The following MYO15B variants were observed in gnomAD, a reference collection of about 807,000 sequenced individuals.
MYO15B encodes myosin XVB pseudogene.
In MYO15B, 207 loss-of-function variants were observed where a neutral mutation model predicts 119.3. That is an observed-to-expected ratio of 1.73 (90% CI 1.55 to 1.95). The LOEUF is 1.95. Among genes scored for constraint, MYO15B ranks in the 30% most tolerant of loss-of-function variants. The pLI is 0.00. For synonymous variants in MYO15B, 966 were observed against 498.9 expected, an observed-to-expected ratio of 1.94 and a Z score of -12.48; for missense variants, 2,264 against 1,203.1, an observed-to-expected ratio of 1.88 and a Z score of -13.04.
chr17:75,605,387 A>G, intron 19 of MYO15B, 117 bp from the exon 20 acceptor site: 1 of 608,736 alleles, frequency 1.6e-6, no homozygotes, highest in South Asian at 2.0e-5. Context: ...CAGTGAGCCG[A>G]GATCGCGCCA....
chr17:75,616,624 G>C (rs1005271168), exon 39 of MYO15B: 1 of 702,714 alleles, frequency 1.4e-6, no homozygotes, highest in South Asian at 1.5e-5. Context: ...AGGAGACAGC[G>C]GCCAAGGGCC....
rs1198774353 is a variant in MYO15B, at chr17:75,614,572, G to A, written c.5382-11G>A. The A allele has an allele frequency of 2.9e-6, 2 of 697,396 alleles. No homozygotes were observed. Among genetic ancestry groups the A allele is most frequent in the Admixed American group, 2.0e-5 (1 of 49,784 alleles). The allele number at this position is 697,396 out of a possible 1,614,324, so 43.2% of individuals were successfully genotyped here. A position where few individuals can be genotyped will look rare whatever the true frequency, so the allele number is the denominator to read the frequency against. ...TTGGCCACCCCCTTAGCTGGATCCC[G>A]TTTCCTGCAGAGCCGAGGCCATTCC... On this transcript the variant is annotated splice_polypyrimidine_tract_variant and intron_variant, in intron 30 of 63. Coordinates refer to ENST00000645453, the Ensembl canonical transcript of MYO15B.
chr17:75,588,207 G>A (rs1402526462), exon 1 of MYO15B: 5 of 397,920 alleles, frequency 1.3e-5, no homozygotes, highest in African/African-American at 8.2e-5. Context: ...GGGCGAAACC[G>A]GCGGCCGAGC....
intron 53 of MYO15B, among the ~76,000 whole-genome samples, chr17:75,622,841 C>T (rs749483): frequency 1.3e-5 from 2 of 152,140 alleles, no homozygotes; most frequent in Admixed American, 6.5e-5. Flanking sequence ...GTTTTGGACA[C>T]GTGAGGTCTG....
In MYO15B at chr17:75,613,192, A is replaced by G. The variant is rs973815969; in HGVS notation, c.4950A>G (p.Leu1650=). 8.6e-6 allele frequency: 6 copies of G among 697,110 alleles called. No individual in the cohort carries two copies. In the East Asian group the frequency reaches 1.1e-4, roughly 13 times the overall value. 43.2% of individuals were successfully genotyped at this position (697,110 alleles called of 1,614,324 possible). A position where few individuals can be genotyped will look rare whatever the true frequency, so the allele number is the denominator to read the frequency against. The change falls in exon 27 of 64, where the codon CTA becomes CTG. Residue 1650 remains leucine, a synonymous_variant. Coordinates refer to ENST00000645453, the Ensembl canonical transcript of MYO15B. The stretch of plus-strand genomic sequence containing the variant: ...GCGCCTTTCCCCCACTGCCTGTCCT[A>G]CAGAAGCCACTGCTCAAGTAAGGGG...
At chr17:75,611,525 G>A (rs2058029364) in intron 23 of MYO15B, 76 bp from the exon 24 acceptor site, 2 of 691,448 alleles carry the variant, frequency 2.9e-6, no homozygotes, top group Non-Finnish European at 5.3e-6. Flanking sequence ...ATAATCTTGG[G>A]GTTGAGGGTG....
In MYO15B at chr17:75,620,353, G is replaced by A. The variant is rs2058635240; in HGVS notation, c.7551G>A (p.Glu2517=). 5.7e-6 allele frequency: 4 copies of A among 702,852 alleles called. No homozygotes were observed. In the East Asian group the frequency reaches 8.0e-5, roughly 14 times the overall value. The allele number at this position is 702,852 out of a possible 1,614,324, so 43.5% of individuals were successfully genotyped here. A position where few individuals can be genotyped will look rare whatever the true frequency, so the allele number is the denominator to read the frequency against. The change falls in exon 48 of 64, where the codon GAG becomes GAA. Residue 2517 remains glutamate (E), a synonymous_variant. Transcript: ENST00000645453. ...AGCTGCTGCCGGTGGCCACCCTGGA[G>A]CCAGGTATCGCCAGAGGCCGGCAGG...
intron 6 of MYO15B, 35 bp downstream of exon 6, chr17:75,592,115 ACTTACCCTTCCTGGGTC>A (rs949646792): frequency 3.4e-5 from 24 of 702,172 alleles, no homozygotes; most frequent in Non-Finnish European, 6.0e-5. Flanking sequence ...ACCTACAATC[ACTTACCCTTCCTGGGTC>A]CTTGGGCTGC....
chr17:75,619,651 G>A (rs572457619), intron 45 of MYO15B, 30 bp from the exon 46 acceptor site: 2 of 702,288 alleles, frequency 2.8e-6, no homozygotes, highest in Admixed American at 2.0e-5. Flanking sequence ...GGACCCAGGA[G>A]ACTGCCCGAG....
exon 39 of MYO15B, chr17:75,616,623 C>T (rs778017730): frequency 7.8e-5 from 55 of 702,926 alleles, no homozygotes; most frequent in East Asian, 1.6e-4. Context: ...AAGGAGACAG[C>T]GGCCAAGGGC....
At position 75,614,699 on chromosome 17, in the gene MYO15B, G is replaced by C. The variant is rs572615443; in HGVS notation, c.5482+16G>C. 37 of 702,552 alleles carry C rather than the reference G, an allele frequency of 5.3e-5. No homozygotes were observed. In the African/African-American group the frequency reaches 6.1e-4, roughly 12 times the overall value. 43.5% of individuals were successfully genotyped at this position (702,552 alleles called of 1,614,324 possible). A position where few individuals can be genotyped will look rare whatever the true frequency, so the allele number is the denominator to read the frequency against. ...GACCACACAGGTAAGGCTGGAGTGG[G>C]CACATGGAGGTTGGCAGAGCATGGG... On this transcript the variant is annotated intron_variant, in intron 31 of 63. Coordinates refer to ENST00000645453, the Ensembl canonical transcript of MYO15B.
At chr17:75,594,656 G>A (rs2147756589) in intron 10 of MYO15B, 45 bp from the exon 11 acceptor site, 1 of 701,452 alleles carries the variant, frequency 1.4e-6, no homozygotes, top group East Asian at 2.7e-5. Context: ...AGCACCATGA[G>A]GGCTGCAGGC....
intron 21 of MYO15B, among the ~76,000 whole-genome samples, chr17:75,608,606 A>G (rs576685171): frequency 6.6e-6 from 1 of 151,048 alleles, no homozygotes; most frequent in Admixed American, 6.6e-5. Context: ...GCGCCATTGC[A>G]CTCCAGCAGC....
At chr17:75,613,515 G>A in intron 28 of MYO15B, 44 bp downstream of exon 28, 2 of 661,250 alleles carry the variant, frequency 3.0e-6, no homozygotes, top group Non-Finnish European at 5.4e-6. Flanking sequence ...CTGAAGTGGG[G>A]CCAGCCCTAC....
exon 1 of MYO15B, chr17:75,588,974 A>AGGCGGTGGGGCAGGTGCC: frequency 5.0e-6 from 2 of 398,098 alleles, no homozygotes; most frequent in Non-Finnish European, 8.9e-6. Context: ...CAGGTCGGAA[A>AGGCGGTGGGGCAGGTGCC]GGCGGTGGGG....
At chr17:75,613,821 T>A (rs1191248350) in intron 29 of MYO15B, 44 bp downstream of exon 29, 26 of 680,540 alleles carry the variant, frequency 3.8e-5, no homozygotes, top group Non-Finnish European at 6.4e-5. Flanking sequence ...AAAGTGACCC[T>A]TGTCCTATAC....
exon 33 of MYO15B, chr17:75,615,016 G>T (rs2058279261): frequency 1.4e-6 from 1 of 702,844 alleles, no homozygotes; most frequent in African/African-American, 1.7e-5. Context: ...GGCGCCATTG[G>T]GCCCACACAG....
chr17:75,602,426 GA>G, intron 15 of MYO15B, 90 bp from the exon 16 acceptor site: 1 of 702,318 alleles, frequency 1.4e-6, no homozygotes, highest in Non-Finnish European at 2.6e-6. Flanking sequence ...GGAGAGGGTA[GA>G]TTCTTCTCCT....
chr17:75,623,646 T>C, intron 53 of MYO15B, 135 bp from the exon 54 acceptor site: 1 of 634,756 alleles, frequency 1.6e-6, no homozygotes, highest in Non-Finnish European at 2.8e-6. Flanking sequence ...GAGTAGCCAG[T>C]GCAGTGATGT....
Sources: allele counts gnomAD v4.1 joint callset (sites outside exome capture counted in the v4.1 genomes callset), GRCh38; gene constraint gnomAD v4.1.1; transcripts MANE v1.5; gene names NCBI Gene and HGNC (gene_info 2026-07-23, HGNC 2026-07-21).